The following ZNF385B variants were observed in gnomAD, a reference collection of about 807,000 sequenced individuals.
ZNF385B encodes zinc finger protein 533.
A neutral mutation model predicts 39.2 loss-of-function variants in ZNF385B; 23 were observed. The observed-to-expected ratio is 0.59, with a 90% CI of 0.42 to 0.83. ZNF385B has a LOEUF of 0.83. Among genes scored for constraint, ZNF385B ranks in the 40% least tolerant of loss-of-function variants. The probability of loss-of-function intolerance (pLI) is 0.00; values close to 1 mark genes in which losing one functional copy is unlikely to be tolerated. For synonymous variants in ZNF385B, 205 were observed against 222.6 expected (o/e 0.92, Z 0.70); for missense variants, 552 against 598.9 (o/e 0.92, Z 0.82).
intron 1 of ZNF385B, among the ~76,000 whole-genome samples, chr2:179,792,527 C>G (rs909603719): frequency 1.3e-5 from 2 of 151,840 alleles, no homozygotes; most frequent in African/African-American, 4.8e-5. Flanking sequence ...GGTGTACCCA[C>G]CATGCCTGGC....
intron 4 of ZNF385B, among the ~76,000 whole-genome samples, chr2:179,524,571 A>G (rs1167342551): frequency 8.9e-5 from 13 of 146,224 alleles, no homozygotes; most frequent in African/African-American, 1.9e-4. Flanking sequence ...AAAAAAAAAA[A>G]AAAAAAAAAA....
At chr2:179,543,163 T>C (rs35821053) in intron 4 of ZNF385B, among the ~76,000 whole-genome samples, 10,437 of 151,970 alleles carry the variant, frequency 0.069, 458 homozygotes, top group Middle Eastern at 0.19. Flanking sequence ...TCCCAGCTAC[T>C]CAGGAGGCTG....
At chr2:179,813,949 T>C (rs548188549) in intron 1 of ZNF385B, among the ~76,000 whole-genome samples, 2 of 152,262 alleles carry the variant, frequency 1.3e-5, no homozygotes, top group East Asian at 3.9e-4. Flanking sequence ...AAATCAAAAA[T>C]AGAAAGTAGG....
At chr2:179,810,024 T>C (rs1024723583) in intron 1 of ZNF385B, among the ~76,000 whole-genome samples, 6 of 152,016 alleles carry the variant, frequency 3.9e-5, no homozygotes, top group Non-Finnish European at 7.4e-5. Context: ...AACAGAAAGA[T>C]TGATATATGT....
chr2:179,749,576 G>A (rs1702561237), intron 3 of ZNF385B, among the ~76,000 whole-genome samples: 1 of 152,114 alleles, frequency 6.6e-6, no homozygotes, highest in Non-Finnish European at 1.5e-5. Flanking sequence ...TCAAATGTCT[G>A]TGTGAAGAAA....
chr2:179,598,891 G>C (rs1394015685), intron 3 of ZNF385B, among the ~76,000 whole-genome samples: 2 of 152,052 alleles, frequency 1.3e-5, no homozygotes, highest in Non-Finnish European at 2.9e-5. Flanking sequence ...AAAAGGATTT[G>C]TTATATTGAT....
intron 3 of ZNF385B, among the ~76,000 whole-genome samples, chr2:179,705,879 T>C (rs969647852): frequency 1.3e-5 from 2 of 152,228 alleles, no homozygotes; most frequent in African/African-American, 2.4e-5. Context: ...TGAGTTGAGT[T>C]TGGCACACAG....
chr2:179,479,961 C>T (rs1396567762), intron 6 of ZNF385B, among the ~76,000 whole-genome samples: 2 of 152,196 alleles, frequency 1.3e-5, no homozygotes, highest in Non-Finnish European at 1.5e-5. Flanking sequence ...GAAGCTCCCT[C>T]TGTTAACTCC....
At chr2:179,713,313 A>G (rs1376800050) in intron 3 of ZNF385B, among the ~76,000 whole-genome samples, 5 of 152,182 alleles carry the variant, frequency 3.3e-5, no homozygotes, top group African/African-American at 4.8e-5. Flanking sequence ...CCTCTCCTAC[A>G]TCATTTCTGA....
chr2:179,774,498 C>T (rs1254880242), intron 1 of ZNF385B, among the ~76,000 whole-genome samples: 1 of 152,006 alleles, frequency 6.6e-6, no homozygotes, highest in Non-Finnish European at 1.5e-5. Flanking sequence ...GTAACTGGGA[C>T]TACAGGGGCA....
At chr2:179,464,113 AT>A (rs1001597948) in intron 6 of ZNF385B, among the ~76,000 whole-genome samples, 8 of 152,076 alleles carry the variant, frequency 5.3e-5, no homozygotes, top group Admixed American at 3.3e-4. Flanking sequence ...GATGATGAGC[AT>A]TTTTTCATAT....
At chr2:179,592,878 C>A (rs1461938509) in intron 3 of ZNF385B, among the ~76,000 whole-genome samples, 4 of 152,102 alleles carry the variant, frequency 2.6e-5, no homozygotes, top group Non-Finnish European at 5.9e-5. Context: ...TCTCAAAAGT[C>A]TCTACGACCT....
intron 3 of ZNF385B, among the ~76,000 whole-genome samples, chr2:179,769,288 T>C (rs1183538908): frequency 6.6e-6 from 1 of 152,198 alleles, no homozygotes; most frequent in African/African-American, 2.4e-5. Flanking sequence ...TGCATATGTG[T>C]GTATGTGTGT....
chr2:179,711,505 A>G (rs1448877878), intron 3 of ZNF385B, among the ~76,000 whole-genome samples: 5 of 152,168 alleles, frequency 3.3e-5, no homozygotes, highest in Non-Finnish European at 7.3e-5. Context: ...TGATAGCAAG[A>G]GTTTAACTTA....
chr2:179,575,019 T>A (rs1209373333), intron 3 of ZNF385B, among the ~76,000 whole-genome samples: 2 of 152,124 alleles, frequency 1.3e-5, no homozygotes, highest in Admixed American at 1.3e-4. Flanking sequence ...AACATCGGTC[T>A]TCTGCTGGTG....
intron 3 of ZNF385B, among the ~76,000 whole-genome samples, chr2:179,605,852 G>GCA (rs2106116121): frequency 6.6e-6 from 1 of 152,162 alleles, no homozygotes; most frequent in South Asian, 2.1e-4. Context: ...CCAAATCAAG[G>GCA]CAGTAGACAC....
intron 1 of ZNF385B, among the ~76,000 whole-genome samples, chr2:179,786,544 C>T (rs541924667): frequency 2.6e-5 from 4 of 152,086 alleles, no homozygotes; most frequent in East Asian, 1.9e-4. Flanking sequence ...GGAAAGAACA[C>T]GGGTAAGACT....
intron 6 of ZNF385B, among the ~76,000 whole-genome samples, chr2:179,449,993 A>C (rs1413800332): frequency 1.2e-4 from 18 of 152,220 alleles, no homozygotes; most frequent in South Asian, 6.2e-4. Flanking sequence ...CAAAAACAAG[A>C]AATGGGGAAA....
chr2:179,698,823 A>G (rs10497548), intron 3 of ZNF385B, among the ~76,000 whole-genome samples: 66,207 of 151,972 alleles, frequency 0.44, 15,463 homozygotes, highest in East Asian at 0.57. Flanking sequence ...TAAACTTTGC[A>G]GTCAAGCTAG....
Sources: gnomAD v4.1 joint callset for allele counts (sites outside exome capture counted in the v4.1 genomes callset) on GRCh38, gnomAD v4.1.1 for gene constraint, MANE v1.5 for transcripts, NCBI Gene and HGNC (gene_info 2026-07-23, HGNC 2026-07-21) for gene names.